Variants in FGF7 observed in about 807,000 individuals in gnomAD.
FGF7 encodes fibroblast growth factor 7.
A neutral mutation model predicts 20.5 loss-of-function variants in FGF7; 6 were observed. The observed-to-expected ratio is 0.29, with a 90% CI of 0.16 to 0.58. The LOEUF (loss-of-function observed/expected upper bound fraction) is 0.58. Ranked by LOEUF, FGF7 falls within the 20% of genes least tolerant of loss-of-function variation. The pLI is 0.90. For missense variants in FGF7, 144 were observed against 228.8 expected, an observed-to-expected ratio of 0.63 and a Z score of 2.39; for synonymous variants, 64 against 74.7, an observed-to-expected ratio of 0.86 and a Z score of 0.74.
At chr15:49,460,539 CT>C (rs2053698126) in intron 2 of FGF7, among the ~76,000 whole-genome samples, 1 of 152,140 alleles carries the variant, frequency 6.6e-6, no homozygotes, top group South Asian at 2.1e-4. Flanking sequence ...TTTGACATTT[CT>C]TCACAGTTCA....
chr15:49,469,471 C>T (rs1156349364), intron 2 of FGF7, among the ~76,000 whole-genome samples: 1 of 152,096 alleles, frequency 6.6e-6, no homozygotes, highest in African/African-American at 2.4e-5. Flanking sequence ...ACCAACAAAT[C>T]ACTTGGCTTT....
At chr15:49,466,496 T>A (rs183532105) in intron 2 of FGF7, among the ~76,000 whole-genome samples, 1 of 152,284 alleles carries the variant, frequency 6.6e-6, no homozygotes, top group Non-Finnish European at 1.5e-5. Context: ...CTTTGGATAG[T>A]AAATAAAAGA....
At chr15:49,463,685 T>C (rs1011883493) in intron 2 of FGF7, among the ~76,000 whole-genome samples, 13 of 152,198 alleles carry the variant, frequency 8.5e-5, no homozygotes, top group Non-Finnish European at 5.9e-5. Context: ...AACCCCCAAA[T>C]GCCACAGTGT....
chr15:49,472,752 A>T (rs1163784200), intron 2 of FGF7, among the ~76,000 whole-genome samples: 4 of 152,214 alleles, frequency 2.6e-5, no homozygotes, highest in Non-Finnish European at 5.9e-5. Flanking sequence ...CCTCATAAGA[A>T]AAGGGCTAGA....
intron 2 of FGF7, among the ~76,000 whole-genome samples, chr15:49,450,923 G>T (rs569080865): frequency 1.3e-5 from 2 of 152,100 alleles, no homozygotes; most frequent in South Asian, 4.1e-4. Context: ...GATATAGTTA[G>T]TATAGCTACA....
chr15:49,484,622 A>G lies in FGF7; in HGVS notation c.*118A>G, dbSNP rs2056255474. 3.8e-6 allele frequency: 2 copies of G among 525,808 alleles called. No individual in the cohort carries two copies. The highest frequency in any genetic ancestry group is 6.5e-6 in the Non-Finnish European group (2 of 306,604). 32.6% of individuals were successfully genotyped at this position (525,808 alleles called of 1,614,324 possible). ...TTTAGTAATCAAGAAAGGCTGGAAA[A>G]CTACTGAAAAACTGATCAAGCTGGA... On this transcript the variant is annotated 3_prime_UTR_variant, in exon 4 of 4. Coordinates refer to ENST00000267843, the MANE Select transcript of FGF7 (RefSeq NM_002009.4).
At chr15:49,458,050 A>C (rs948218921) in intron 2 of FGF7, among the ~76,000 whole-genome samples, 1 of 152,010 alleles carries the variant, frequency 6.6e-6, no homozygotes, top group African/African-American at 2.4e-5. Context: ...TGGGGAGATC[A>C]AATGACATAA....
At chr15:49,456,022 G>C (rs933047335) in intron 2 of FGF7, among the ~76,000 whole-genome samples, 26 of 152,036 alleles carry the variant, frequency 1.7e-4, no homozygotes, top group African/African-American at 5.8e-4. Flanking sequence ...TCAACATGCT[G>C]TTACATGCTT....
At position 49,486,798 on chromosome 15, in the gene FGF7, C is replaced by T. The variant is rs1460006752; in HGVS notation, c.*2294C>T. On this transcript the variant is annotated 3_prime_UTR_variant, in exon 4 of 4. Transcript: ENST00000267843. ...TGTACTTTAATTATTTGTTTTTCTC[C>T]TATTTTTAAATTTATTATGCAAATT... 2 of 151,744 alleles carry T rather than the reference C, an allele frequency of 1.3e-5. No homozygotes were observed. Among genetic ancestry groups the T allele is most frequent in the Non-Finnish European group, 2.9e-5 (2 of 67,852 alleles). 9.4% of individuals were successfully genotyped at this position (151,744 alleles called of 1,614,324 possible). A position where few individuals can be genotyped will look rare whatever the true frequency, so the allele number is the denominator to read the frequency against.
chr15:49,480,474 AT>A (rs35283556), intron 2 of FGF7, among the ~76,000 whole-genome samples: 16,776 of 100,404 alleles, frequency 0.17, 873 homozygotes, highest in Non-Finnish European at 0.22. Context: ...TGCCCAACTA[AT>A]TTTTTTTTTT....
intron 2 of FGF7, among the ~76,000 whole-genome samples, chr15:49,478,289 T>A (rs944969077): frequency 3.9e-5 from 6 of 152,196 alleles, no homozygotes; most frequent in Non-Finnish European, 8.8e-5. Flanking sequence ...TTGCCCTTTG[T>A]GTATCTTTAG....
chr15:49,446,952 C>T (rs776535047), intron 2 of FGF7, among the ~76,000 whole-genome samples: 1 of 151,448 alleles, frequency 6.6e-6, no homozygotes, highest in Non-Finnish European at 1.5e-5. Flanking sequence ...CAGAGAAATA[C>T]TCCAGAAGTT....
chr15:49,445,673 AAAAAT>A (rs886856145), intron 2 of FGF7, among the ~76,000 whole-genome samples: 5 of 151,650 alleles, frequency 3.3e-5, no homozygotes, highest in Non-Finnish European at 5.9e-5. Context: ...ATTGAAAGAA[AAAAAT>A]AAAATATAGA....
At chr15:49,427,829 T>C (rs1312547769) in intron 2 of FGF7, among the ~76,000 whole-genome samples, 1 of 151,852 alleles carries the variant, frequency 6.6e-6, no homozygotes, top group Non-Finnish European at 1.5e-5. Flanking sequence ...CTCGGGTAGA[T>C]GGTTGGAGGG....
intron 3 of FGF7, 124 bp downstream of exon 3, chr15:49,483,378 A>G: frequency 3.4e-6 from 2 of 596,140 alleles, no homozygotes; most frequent in Non-Finnish European, 5.9e-6. Flanking sequence ...GATTTTATTA[A>G]AACACTTTAT....
At chr15:49,476,220 T>C (rs2055267579) in intron 2 of FGF7, among the ~76,000 whole-genome samples, 1 of 117,400 alleles carries the variant, frequency 8.5e-6, no homozygotes, top group African/African-American at 3.1e-5. Flanking sequence ...CTGTTTTGTT[T>C]TTTTGTTTTT....
At chr15:49,431,626 G>C (rs1597145564) in intron 2 of FGF7, among the ~76,000 whole-genome samples, 2 of 151,710 alleles carry the variant, frequency 1.3e-5, no homozygotes, top group African/African-American at 4.8e-5. Context: ...TTCTACTGGA[G>C]TGGTCATGAG....
chr15:49,466,582 A>G (rs1015894771), intron 2 of FGF7, among the ~76,000 whole-genome samples: 1 of 152,168 alleles, frequency 6.6e-6, no homozygotes, highest in Non-Finnish European at 1.5e-5. Context: ...TTTATAACAT[A>G]TATCTTATGA....
chr15:49,459,454 C>CT (rs930993767), intron 2 of FGF7, among the ~76,000 whole-genome samples: 31 of 151,566 alleles, frequency 2.0e-4, no homozygotes, highest in Non-Finnish European at 2.7e-4. Flanking sequence ...TCTTTCTTTT[C>CT]TTTTTTTTGA....
Sources: gnomAD v4.1 joint callset for allele counts (sites outside exome capture counted in the v4.1 genomes callset) on GRCh38, gnomAD v4.1.1 for gene constraint, MANE v1.5 for transcripts, NCBI Gene and HGNC (gene_info 2026-07-23, HGNC 2026-07-21) for gene names.